The following CARD8 variants were observed in gnomAD, a reference collection of about 807,000 sequenced individuals.
The protein encoded by CARD8 is caspase recruitment domain family member 8, also known as caspase recruitment domain-containing protein 8.
In CARD8, 38 loss-of-function variants were observed where a neutral mutation model predicts 53.2. The observed-to-expected ratio is 0.71, with a 90% CI of 0.55 to 0.94. The LOEUF (loss-of-function observed/expected upper bound fraction) is 0.94, where lower values mean the gene tolerates loss of function less well. Among genes scored for constraint, CARD8 ranks in the 40% least tolerant of loss-of-function variants. CARD8 has a pLI of 0.00. For missense variants in CARD8, 561 were observed against 655.5 expected, an observed-to-expected ratio of 0.86 and a Z score of 1.57; for synonymous variants, 245 against 244.9, an observed-to-expected ratio of 1.00 and a Z score of 0.00.
At chr19:48,253,411 T>A (rs941610491) in intron 1 of CARD8, among the ~76,000 whole-genome samples, 1 of 152,194 alleles carries the variant, frequency 6.6e-6, no homozygotes, top group Non-Finnish European at 1.5e-5. Context: ...AATACTCATC[T>A]GCAAAAATGT....
At chr19:48,221,879 T>C (rs539936351) in intron 10 of CARD8, 24 bp from the exon 11 acceptor site, 3 of 1,553,842 alleles carry the variant, frequency 1.9e-6, no homozygotes, top group South Asian at 2.4e-5. Flanking sequence ...GGCAGAAACA[T>C]TAGAGAGCAC....
intron 3 of CARD8, among the ~76,000 whole-genome samples, chr19:48,245,236 G>C (rs2045916556): frequency 1.3e-5 from 2 of 152,084 alleles, no homozygotes; most frequent in Admixed American, 6.5e-5. Flanking sequence ...TTGAGACGGG[G>C]CCTCCCTCTG....
intron 10 of CARD8, among the ~76,000 whole-genome samples, chr19:48,227,099 A>AG (rs1330937253): frequency 1.2e-3 from 180 of 151,954 alleles, no homozygotes; most frequent in Admixed American, 3.6e-3. Context: ...AAAAAAAAAA[A>AG]AAAGAAAGAA....
At chr19:48,248,853 G>A (rs1266122016) in intron 3 of CARD8, among the ~76,000 whole-genome samples, 2 of 152,160 alleles carry the variant, frequency 1.3e-5, no homozygotes, top group Non-Finnish European at 2.9e-5. Context: ...ATACTGTAGC[G>A]CAGTTAACAT....
At chr19:48,245,345 G>A (rs530599432) in intron 3 of CARD8, among the ~76,000 whole-genome samples, 20 of 152,160 alleles carry the variant, frequency 1.3e-4, no homozygotes, top group East Asian at 1.2e-3. Flanking sequence ...AAGTAGCTGC[G>A]ATTACAGACA....
At chr19:48,218,782 C>T in intron 12 of CARD8, 89 bp downstream of exon 12, 1 of 1,373,898 alleles carries the variant, frequency 7.3e-7, no homozygotes, top group Non-Finnish European at 1.0e-6. Context: ...TGGGAAAGAA[C>T]CATAAACAAG....
At chr19:48,207,732 C>CTTTTTTTTTTTTTTT (rs2037420712), downstream of CARD8, among the ~76,000 whole-genome samples, 4 of 91,258 alleles carry the variant, frequency 4.4e-5, no homozygotes, top group East Asian at 3.4e-4. Context: ...TGTTGTTTTT[C>CTTTTTTTTTTTTTTT]TGTTTTTTTT....
chr19:48,236,459 C>A (rs1159969654), intron 5 of CARD8, among the ~76,000 whole-genome samples: 1 of 152,176 alleles, frequency 6.6e-6, no homozygotes. Context: ...AGTGAACCAC[C>A]CGCCCTGGCC....
At chr19:48,240,333 T>C (rs76385970) in intron 4 of CARD8, among the ~76,000 whole-genome samples, 1,543 of 152,264 alleles carry the variant, frequency 0.01, 9 homozygotes, top group Non-Finnish European at 0.017. Context: ...GTCAAGGCCA[T>C]AGGCCCATGC....
intron 10 of CARD8, chr19:48,223,786 T>C (rs902781117): frequency 4.4e-6 from 2 of 454,282 alleles, no homozygotes; most frequent in African/African-American, 4.0e-5. Flanking sequence ...ATATTTTTCC[T>C]ATAGCATTCC....
chr19:48,235,035 C>T (rs989040239), intron 5 of CARD8, among the ~76,000 whole-genome samples: 5 of 152,152 alleles, frequency 3.3e-5, no homozygotes, highest in African/African-American at 1.2e-4. Context: ...GTTATCTCCT[C>T]TTCTCCCTTC....
rs545897168 is a variant in CARD8 at position 48,230,771 on chromosome 19, C to T, written c.772+6G>A. 6.2e-7 allele frequency: 1 copy of T among 1,614,010 alleles called. No individual in the cohort carries two copies. The highest frequency in any genetic ancestry group is 1.3e-5 in the African/African-American group (1 of 75,044). On this transcript the variant is annotated splice_donor_region_variant and intron_variant, in intron 9 of 13. Coordinates refer to ENST00000651546, the MANE Select transcript of CARD8 (RefSeq NM_001184900.3). The stretch of plus-strand genomic sequence containing the variant: ...GCCCCCACAGCCTCCGCTCACCCCA[C>T]ATTACCTTGGAGGGAGATGAAGTGG...
Position 48,211,582 on chromosome 19 carries a change from A to G in CARD8, c.*128T>C. ...TGCCAGGTTACAAGTCTGTCCTGAA[A>G]GCCTGTGTGATAGATGTTACCCAGT... On this transcript the variant is annotated 3_prime_UTR_variant, in exon 14 of 14. Transcript: ENST00000651546. 1.1e-6 allele frequency: 1 copy of G among 874,600 alleles called. No individual in the cohort carries two copies. The highest frequency in any genetic ancestry group is 1.8e-6 in the Non-Finnish European group (1 of 564,184). 54.2% of individuals were successfully genotyped at this position (874,600 alleles called of 1,614,324 possible). A position where few individuals can be genotyped will look rare whatever the true frequency, so the allele number is the denominator to read the frequency against.
At chr19:48,233,219 G>C (rs1438894621) in intron 6 of CARD8, 2 of 412,454 alleles carry the variant, frequency 4.8e-6, no homozygotes, top group Non-Finnish European at 9.7e-6. Flanking sequence ...TACAGCGTGA[G>C]CCAATGGTTC....
At chr19:48,215,733 C>T (rs535052967) in intron 12 of CARD8, among the ~76,000 whole-genome samples, 3 of 152,220 alleles carry the variant, frequency 2.0e-5, no homozygotes, top group South Asian at 2.1e-4. Context: ...AATTAAAACA[C>T]GTGTTTTTTG....
In CARD8 at chr19:48,227,795, T is replaced by C. The variant is rs111591363; in HGVS notation, c.1035+2643A>G. ...TCCAGCCTGGGTGAGAGGGCTAGAC[T>C]CCATCACAAAAAAAAAAAAAAGGAA... On this transcript the variant is annotated intron_variant, in intron 10 of 13. Transcript: ENST00000651546. Among the ~76,000 whole-genome samples, 496 of 109,010 alleles carry C rather than the reference T, an allele frequency of 4.6e-3. 6 individuals are homozygous for C. Among genetic ancestry groups the C allele is most frequent in the African/African-American group, 0.018 (469 of 26,672 alleles). 71.5% of individuals were successfully genotyped at this position (109,010 alleles called of 152,430 possible).
intron 3 of CARD8, among the ~76,000 whole-genome samples, chr19:48,244,459 G>GTT (rs2045770196): frequency 1.3e-5 from 2 of 152,202 alleles, no homozygotes; most frequent in African/African-American, 4.8e-5. Context: ...AAAACATAAA[G>GTT]AAGTCAGGAA....
chr19:48,239,357 G>T (rs191531513), intron 4 of CARD8, among the ~76,000 whole-genome samples: 78 of 152,112 alleles, frequency 5.1e-4, no homozygotes, highest in Non-Finnish European at 9.6e-4. Flanking sequence ...ATTAATCATA[G>T]AAGGCTAAAA....
chr19:48,212,595 G>A (rs966988983), intron 13 of CARD8, among the ~76,000 whole-genome samples: 2 of 152,188 alleles, frequency 1.3e-5, no homozygotes, highest in Admixed American at 1.3e-4. Flanking sequence ...TGGAGGTTGA[G>A]GTGTGATTTT....
Sources: gnomAD v4.1 joint callset for allele counts (sites outside exome capture counted in the v4.1 genomes callset) on GRCh38, gnomAD v4.1.1 for gene constraint, MANE v1.5 for transcripts, NCBI Gene and HGNC (gene_info 2026-07-23, HGNC 2026-07-21) for gene names.